The following ZFC3H1 variants were observed in gnomAD, a reference collection of about 807,000 sequenced individuals.
ZFC3H1 encodes the protein zinc finger C3H1-type containing, also known as zinc finger C3H1 domain-containing protein.
Under a neutral mutation model 243.7 loss-of-function variants are expected in ZFC3H1, and 71 were observed. The observed-to-expected ratio is 0.29, with a 90% confidence interval of 0.24 to 0.36. The LOEUF is 0.36. Among genes scored for constraint, ZFC3H1 ranks in the 10% least tolerant of loss-of-function variants. ZFC3H1 has a pLI of 1.00. For missense variants in ZFC3H1, 1,966 were observed against 2,317.1 expected, an observed-to-expected ratio of 0.85 and a Z score of 3.11; for synonymous variants, 838 against 813.0, an observed-to-expected ratio of 1.03 and a Z score of -0.52.
At chr12:71,633,490 T>G (rs746825471) in intron 12 of ZFC3H1, 52 bp from the exon 13 acceptor site, 50 of 1,429,460 alleles carry the variant, frequency 3.5e-5, no homozygotes, top group Non-Finnish European at 3.6e-5. Flanking sequence ...AAGAGCAGAC[T>G]GTCAGAATAA....
At chr12:71,613,514 C>A in intron 30 of ZFC3H1, 79 bp from the exon 31 acceptor site, 1 of 876,284 alleles carries the variant, frequency 1.1e-6, no homozygotes, top group Non-Finnish European at 1.8e-6. Flanking sequence ...AACACGAAAA[C>A]CAAAATGGTC....
intron 9 of ZFC3H1, 72 bp from the exon 10 acceptor site, chr12:71,635,652 C>G: frequency 7.0e-7 from 1 of 1,431,878 alleles, no homozygotes; most frequent in Non-Finnish European, 9.2e-7. Flanking sequence ...TTTCAATCCA[C>G]AAAAATAATG....
At chr12:71,640,232 G>T (rs149244186) in intron 6 of ZFC3H1, among the ~76,000 whole-genome samples, 19 of 152,342 alleles carry the variant, frequency 1.2e-4, no homozygotes, top group African/African-American at 4.6e-4. Context: ...ATGTTGGCCA[G>T]GCTGGTTTTG....
intron 2 of ZFC3H1, among the ~76,000 whole-genome samples, chr12:71,652,958 AAAC>A (rs1316143531): frequency 6.6e-6 from 1 of 152,142 alleles, no homozygotes; most frequent in Non-Finnish European, 1.5e-5. Context: ...ATTCAAAAAA[AAAC>A]AACGACCATC....
In ZFC3H1 at chr12:71,652,192, TTATA is replaced by T. The variant is rs142477073; in HGVS notation, c.1016-4383_1016-4380del. On this transcript the variant is annotated intron_variant, in intron 2 of 34. Coordinates refer to ENST00000378743, the MANE Select transcript of ZFC3H1 (RefSeq NM_144982.5). ...TGGGGAAATATACATGTAGAAACAT[TTATA>T]TATATAATTTACTGATTCAGATGAC... is the stretch of plus-strand genomic sequence containing the variant. Among the ~76,000 whole-genome samples, 678 of 152,228 alleles carry T rather than the reference TTATA, an allele frequency of 4.5e-3. 5 individuals carry two copies. The highest frequency in any genetic ancestry group is 0.016 in the African/African-American group (652 of 41,540).
intron 1 of ZFC3H1, among the ~76,000 whole-genome samples, chr12:71,660,873 G>A (rs1881151248): frequency 6.6e-6 from 1 of 151,918 alleles, no homozygotes; most frequent in East Asian, 1.9e-4. Context: ...AGCACTTTGG[G>A]AGTCTAAGGA....
intron 1 of ZFC3H1, 85 bp from the exon 2 acceptor site, chr12:71,657,386 C>G: frequency 1.0e-6 from 1 of 999,756 alleles, no homozygotes. Context: ...GATGAATTTT[C>G]TCCCTTTTTA....
rs1565830288 is a variant in ZFC3H1, at chr12:71,657,009, C to G, written c.891G>C (p.Gln297His). Residue 297 changes from glutamine (Q) to histidine (H), a missense_variant, in exon 2 of 35, where the codon CAG (glutamine) becomes CAC (histidine). By Grantham distance (24) the Gln-to-His change is conservative (BLOSUM62 0). Transcript: ENST00000378743. ...GCCTGAGTGGTTTTAATTCAAATGC[C>G]TGAAAAGTTTTGACTTGTGTTTTCT... Reference protein sequence around the residue: ...PEEKTQVKTFQAFELKPLRQK... With the variant: ...PEEKTQVKTFHAFELKPLRQK... 6.2e-7 allele frequency: 1 copy of G among 1,613,804 alleles called. No individual in the cohort carries two copies. The highest frequency in any genetic ancestry group is 8.5e-7 in the Non-Finnish European group (1 of 1,179,926).
chr12:71,636,730 T>C, intron 8 of ZFC3H1, 76 bp from the exon 9 acceptor site: 5 of 1,559,480 alleles, frequency 3.2e-6, no homozygotes, highest in Non-Finnish European at 4.3e-6. Context: ...ATCTTGAGCA[T>C]GTTAGAATTA....
chr12:71,641,641 G>A (rs549594473), intron 6 of ZFC3H1, among the ~76,000 whole-genome samples: 72 of 152,328 alleles, frequency 4.7e-4, no homozygotes, highest in African/African-American at 1.5e-3. Flanking sequence ...GAGAGTTACA[G>A]CCCTGACCAG....
At chr12:71,635,178 G>C (rs1371657400) in intron 10 of ZFC3H1, among the ~76,000 whole-genome samples, 1 of 151,940 alleles carries the variant, frequency 6.6e-6, no homozygotes, top group Non-Finnish European at 1.5e-5. Flanking sequence ...TTACTACACA[G>C]AACAATTATC....
At chr12:71,652,331 C>T (rs1275097693) in intron 2 of ZFC3H1, among the ~76,000 whole-genome samples, 2 of 152,130 alleles carry the variant, frequency 1.3e-5, no homozygotes, top group East Asian at 3.9e-4. Context: ...TATTTAATAG[C>T]CCACCCAACG....
chr12:71,643,543 T>C (rs976713978), intron 5 of ZFC3H1, among the ~76,000 whole-genome samples: 1 of 152,202 alleles, frequency 6.6e-6, no homozygotes, highest in Non-Finnish European at 1.5e-5. Flanking sequence ...TATACTCTTT[T>C]TGGGCTTTTT....
At chr12:71,659,754 AT>A (rs1679133574) in intron 1 of ZFC3H1, among the ~76,000 whole-genome samples, 1 of 152,212 alleles carries the variant, frequency 6.6e-6, no homozygotes, top group Admixed American at 6.5e-5. Flanking sequence ...ACCAGATTTA[AT>A]TTTAAGCTTG....
At chr12:71,658,612 G>A (rs537332957) in intron 1 of ZFC3H1, among the ~76,000 whole-genome samples, 91 of 152,084 alleles carry the variant, frequency 6.0e-4, no homozygotes, top group Non-Finnish European at 9.1e-4. Context: ...CAGTTGGCTA[G>A]GATGTAAAAT....
Position 71,610,193 on chromosome 12 carries a change from T to G in ZFC3H1, c.*235A>C. The G allele has an allele frequency of 2.4e-6, 1 of 411,292 alleles. No individual in the cohort carries two copies. The highest frequency in any genetic ancestry group is 4.3e-6 in the Non-Finnish European group (1 of 230,356). 25.5% of individuals were successfully genotyped at this position (411,292 alleles called of 1,614,324 possible). The stretch of plus-strand genomic sequence containing the variant: ...AACTATACTTACGTATATGATGTTA[T>G]GAGAATCTGGCAGGGCCTAGAAGCA... On this transcript the variant is annotated 3_prime_UTR_variant, in exon 35 of 35. Coordinates refer to ENST00000378743, the MANE Select transcript of ZFC3H1 (RefSeq NM_144982.5).
chr12:71,661,180 G>C (rs895458868), intron 1 of ZFC3H1, among the ~76,000 whole-genome samples: 1 of 151,758 alleles, frequency 6.6e-6, no homozygotes, highest in Non-Finnish European at 1.5e-5. Context: ...GCGGGCGCCT[G>C]TAGTCCCAGC....
chr12:71,634,905 C>T, intron 10 of ZFC3H1, 80 bp from the exon 11 acceptor site: 1 of 1,460,766 alleles, frequency 6.8e-7, no homozygotes, highest in Non-Finnish European at 9.1e-7. Flanking sequence ...TTTTACATTG[C>T]AACCCAGTGT....
rs753673634 is a variant in ZFC3H1, at chr12:71,647,850, A to G, written c.1016-37T>C. Reference sequence around the variant, plus strand: ...AATAATATCTTTTGAATAATCCAAAAGATAGCCACAATCTAAAATAAAATA... The same window carrying G: ...AATAATATCTTTTGAATAATCCAAAGGATAGCCACAATCTAAAATAAAATA... On this transcript the variant is annotated intron_variant, in intron 2 of 34. Transcript: ENST00000378743. 5 of 818,186 alleles carry G rather than the reference A, an allele frequency of 6.1e-6. No homozygotes were observed. The African/African-American group carries it at 7.3e-5, about 12-fold the overall frequency. 50.7% of individuals were successfully genotyped at this position (818,186 alleles called of 1,614,324 possible). A position where few individuals can be genotyped will look rare whatever the true frequency, so the allele number is the denominator to read the frequency against.
Sources: gnomAD v4.1 joint callset for allele counts (sites outside exome capture counted in the v4.1 genomes callset) on GRCh38, gnomAD v4.1.1 for gene constraint, MANE v1.5 for transcripts, NCBI Gene and HGNC (gene_info 2026-07-23, HGNC 2026-07-21) for gene names.